PRKG2: variants seen among roughly 807,000 people sequenced by gnomAD.
PRKG2 encodes cGMP-dependent protein kinase 2.
Under a neutral mutation model 97.2 loss-of-function variants are expected in PRKG2, and 33 were observed. The observed-to-expected ratio is 0.34, with a 90% confidence interval of 0.26 to 0.45. The LOEUF (loss-of-function observed/expected upper bound fraction) is 0.45, where lower values mean the gene tolerates loss of function less well. Among genes scored for constraint, PRKG2 ranks in the 20% least tolerant of loss-of-function variants. The probability of loss-of-function intolerance (pLI) is 1.00; values close to 1 mark genes in which losing one functional copy is unlikely to be tolerated. For synonymous variants in PRKG2, 330 were observed against 321.8 expected, an observed-to-expected ratio of 1.03 and a Z score of -0.27; for missense variants, 638 against 900.0, an observed-to-expected ratio of 0.71 and a Z score of 3.73.
chr4:81,132,620 G>A (rs746768029), intron 14 of PRKG2, among the ~76,000 whole-genome samples: 13 of 152,086 alleles, frequency 8.5e-5, no homozygotes, highest in Non-Finnish European at 1.8e-4. Flanking sequence ...TTTTTACAGA[G>A]CTTGAATATC....
chr4:81,147,964 T>A (rs1024091776), intron 9 of PRKG2, among the ~76,000 whole-genome samples: 2 of 152,138 alleles, frequency 1.3e-5, no homozygotes, highest in African/African-American at 4.8e-5. Context: ...AGATAAGGCA[T>A]AAATTGATCA....
chr4:81,125,147 T>C (rs1745431232), intron 14 of PRKG2, among the ~76,000 whole-genome samples: 1 of 152,232 alleles, frequency 6.6e-6, no homozygotes, highest in Non-Finnish European at 1.5e-5. Context: ...TTAACCTTTA[T>C]GCTACAATTT....
intron 17 of PRKG2, among the ~76,000 whole-genome samples, chr4:81,103,515 C>A (rs1743025138): frequency 6.6e-6 from 1 of 151,774 alleles, no homozygotes; most frequent in Admixed American, 6.6e-5. Flanking sequence ...TGAGGATATT[C>A]AAAGGAAAAT....
intron 14 of PRKG2, among the ~76,000 whole-genome samples, chr4:81,118,799 T>G (rs1744796308): frequency 8.5e-5 from 13 of 152,170 alleles, no homozygotes; most frequent in Admixed American, 8.5e-4. Flanking sequence ...TTTGTTTGTT[T>G]GTTTGTTTGT....
At chr4:81,217,398 G>A (rs937848446), upstream of PRKG2, among the ~76,000 whole-genome samples, 2 of 152,118 alleles carry the variant, frequency 1.3e-5, no homozygotes, top group Non-Finnish European at 2.9e-5. Context: ...CACCCAGCTA[G>A]GAAGAGTTTG....
intron 17 of PRKG2, among the ~76,000 whole-genome samples, chr4:81,095,798 C>T (rs1027874490): frequency 6.6e-6 from 1 of 152,064 alleles, no homozygotes; most frequent in African/African-American, 2.4e-5. Flanking sequence ...ATATCAAAAA[C>T]AATGTTAAAA....
chr4:81,104,466 T>A (rs759782413), intron 16 of PRKG2, 34 bp from the exon 17 acceptor site: 2 of 985,276 alleles, frequency 2.0e-6, no homozygotes, highest in East Asian at 7.1e-5. Flanking sequence ...CAATTTATAA[T>A]AATTATATTT....
At chr4:81,131,728 C>A (rs1746196994) in intron 14 of PRKG2, among the ~76,000 whole-genome samples, 1 of 152,078 alleles carries the variant, frequency 6.6e-6, no homozygotes, top group South Asian at 2.1e-4. Flanking sequence ...GTTGTTTCAG[C>A]AATGTTTTTT....
At chr4:81,114,154 T>A (rs911008823) in intron 14 of PRKG2, among the ~76,000 whole-genome samples, 3 of 152,042 alleles carry the variant, frequency 2.0e-5, no homozygotes, top group Non-Finnish European at 4.4e-5. Context: ...CAGAACCAAT[T>A]CCCTTCTCCT....
At chr4:81,189,177 A>G (rs1385646005) in intron 2 of PRKG2, among the ~76,000 whole-genome samples, 2 of 121,134 alleles carry the variant, frequency 1.7e-5, no homozygotes, top group Non-Finnish European at 3.0e-5. Flanking sequence ...AAATACTTCT[A>G]TTTCTAATTA....
intron 10 of PRKG2, among the ~76,000 whole-genome samples, chr4:81,143,293 A>T (rs1036045296): frequency 6.6e-6 from 1 of 152,138 alleles, no homozygotes; most frequent in African/African-American, 2.4e-5. Context: ...TATATACCTC[A>T]AAAAAGCTGT....
intron 2 of PRKG2, among the ~76,000 whole-genome samples, chr4:81,178,735 G>A (rs1259890752): frequency 1.3e-5 from 2 of 151,214 alleles, no homozygotes; most frequent in Non-Finnish European, 2.9e-5. Context: ...AGATATATGA[G>A]GCATAATAGA....
chr4:81,202,821 G>T (rs190601984), intron 2 of PRKG2, among the ~76,000 whole-genome samples: 1 of 151,990 alleles, frequency 6.6e-6, no homozygotes, highest in Non-Finnish European at 1.5e-5. Context: ...TCAGCACCAG[G>T]AGCATGGTGT....
intron 11 of PRKG2, among the ~76,000 whole-genome samples, chr4:81,140,972 C>T (rs946963000): frequency 1.3e-5 from 2 of 151,758 alleles, no homozygotes; most frequent in African/African-American, 4.8e-5. Context: ...ACTAGAATTG[C>T]CTTTTTTTAT....
intron 6 of PRKG2, among the ~76,000 whole-genome samples, chr4:81,159,334 T>TG (rs1749403157): frequency 6.6e-6 from 1 of 152,156 alleles, no homozygotes; most frequent in African/African-American, 2.4e-5. Flanking sequence ...AAGACATTTA[T>TG]GCAGCCAAAA....
intron 14 of PRKG2, among the ~76,000 whole-genome samples, chr4:81,127,071 G>A (rs1024844838): frequency 1.9e-4 from 29 of 152,120 alleles, no homozygotes; most frequent in African/African-American, 7.0e-4. Context: ...TCCAGTTTCA[G>A]TTTTCTGCAT....
chr4:81,097,586 C>T (rs1352995782), intron 17 of PRKG2, among the ~76,000 whole-genome samples: 1 of 152,152 alleles, frequency 6.6e-6, no homozygotes, highest in Non-Finnish European at 1.5e-5. Context: ...AAATCCTAGA[C>T]AGTATCTTCT....
intron 14 of PRKG2, among the ~76,000 whole-genome samples, chr4:81,118,886 C>T (rs532938481): frequency 6.6e-6 from 1 of 152,284 alleles, no homozygotes; most frequent in East Asian, 1.9e-4. Context: ...CCGCAACCTC[C>T]TGGTCTCAGG....
Position 81,152,042 on chromosome 4 carries a change from G to A in PRKG2, c.1003C>T (p.Gln335Ter). Reference sequence around the variant, plus strand: ...GGTTGATCATGGCCTTCTGTGCTCTGTGTTACTTTTACCTAAACAATGTTA... The same window carrying A: ...GGTTGATCATGGCCTTCTGTGCTCTATGTTACTTTTACCTAAACAATGTTA... Reference protein sequence around the residue: ...ILAKGKVKVTQSTEGHDQPQL... With the variant: ...ILAKGKVKVT The change falls in exon 8 of 19, where the codon CAG (glutamine) becomes TAG (stop). Residue 335 changes from glutamine to a stop codon, truncating the protein, a stop_gained. Transcript: ENST00000264399. LOFTEE classifies it high-confidence loss of function. 1 of 1,610,900 alleles carries A rather than the reference G, an allele frequency of 6.2e-7. No individual in the cohort carries two copies. Among genetic ancestry groups the A allele is most frequent in the Non-Finnish European group, 8.5e-7 (1 of 1,178,330 alleles).
Sources: allele counts gnomAD v4.1 joint callset (sites outside exome capture counted in the v4.1 genomes callset), GRCh38; gene constraint gnomAD v4.1.1; transcripts MANE v1.5; gene names NCBI Gene and HGNC (gene_info 2026-07-23, HGNC 2026-07-21).